HDAC9: variants seen among roughly 807,000 people sequenced by gnomAD.
HDAC9 encodes the protein MEF-2 interacting transcription repressor (MITR) protein.
A neutral mutation model predicts 139.4 loss-of-function variants in HDAC9; 41 were observed. The ratio of observed to expected loss-of-function variants is 0.29; its 90% CI spans 0.23 to 0.38. The LOEUF (loss-of-function observed/expected upper bound fraction) is 0.38, where lower values mean the gene tolerates loss of function less well. HDAC9 is among the 10% of genes least tolerant of loss of function. HDAC9 has a pLI of 1.00. For synonymous variants in HDAC9, 517 were observed against 476.2 expected (o/e 1.09, Z -1.12); for missense variants, 1,147 against 1,297.0 (o/e 0.88, Z 1.78).
At chr7:18,557,884 A>G (rs1819364215) in intron 2 of HDAC9, among the ~76,000 whole-genome samples, 1 of 151,860 alleles carries the variant, frequency 6.6e-6, no homozygotes, top group Non-Finnish European at 1.5e-5. Context: ...TTTTCTTTTT[A>G]CAAGTGAGCC....
At chr7:18,681,587 C>T (rs1001275504) in intron 12 of HDAC9, among the ~76,000 whole-genome samples, 4 of 152,032 alleles carry the variant, frequency 2.6e-5, no homozygotes, top group Non-Finnish European at 4.4e-5. Flanking sequence ...TTAACAGCAA[C>T]TTCCATGAGT....
At chr7:18,368,246 A>G (rs1231437818) in intron 1 of HDAC9, among the ~76,000 whole-genome samples, 1 of 152,058 alleles carries the variant, frequency 6.6e-6, no homozygotes, top group Non-Finnish European at 1.5e-5. Context: ...TCATAAAGAT[A>G]TCCTCCCATA....
At chr7:18,995,232 A>T (rs898996256) in intron 25 of HDAC9, among the ~76,000 whole-genome samples, 2 of 152,216 alleles carry the variant, frequency 1.3e-5, no homozygotes, top group African/African-American at 4.8e-5. Context: ...ACGCAAACTC[A>T]ATTCACCCGG....
At chr7:18,174,913 G>C (rs781103903) in intron 2 of HDAC9, among the ~76,000 whole-genome samples, 5 of 152,186 alleles carry the variant, frequency 3.3e-5, no homozygotes, top group Middle Eastern at 3.2e-3. Context: ...ATGGCGGCCA[G>C]GGACCCACTT....
chr7:18,404,018 G>A (rs1016759534), intron 1 of HDAC9, among the ~76,000 whole-genome samples: 9 of 152,132 alleles, frequency 5.9e-5, no homozygotes, highest in Admixed American at 2.6e-4. Context: ...TAGAGCTCTC[G>A]AGGAGGCTAG....
chr7:18,854,336 T>A (rs898586336), intron 21 of HDAC9, among the ~76,000 whole-genome samples: 1 of 152,184 alleles, frequency 6.6e-6, no homozygotes, highest in Non-Finnish European at 1.5e-5. Flanking sequence ...TTTACTGTCA[T>A]ATATTGGCAG....
chr7:18,822,857 A>G (rs964746027), intron 17 of HDAC9, among the ~76,000 whole-genome samples: 2 of 152,248 alleles, frequency 1.3e-5, no homozygotes, highest in Non-Finnish European at 2.9e-5. Context: ...TTATCTGCCT[A>G]ACACAAGTTG....
intron 1 of HDAC9, among the ~76,000 whole-genome samples, chr7:18,402,328 G>A (rs898528086): frequency 3.9e-5 from 6 of 152,084 alleles, no homozygotes; most frequent in Non-Finnish European, 7.4e-5. Context: ...CTCAACAAAG[G>A]CCTCCTAAAG....
intron 2 of HDAC9, among the ~76,000 whole-genome samples, chr7:18,167,083 A>C (rs1788060046): frequency 6.6e-6 from 1 of 152,252 alleles, no homozygotes; most frequent in African/African-American, 2.4e-5. Flanking sequence ...AAATTATTCC[A>C]GGATAATAAA....
intron 1 of HDAC9, among the ~76,000 whole-genome samples, chr7:18,302,371 A>G (rs1474397942): frequency 6.6e-6 from 1 of 152,240 alleles, no homozygotes. Context: ...ATGCAATGTT[A>G]TCCTTTGGTG....
At chr7:18,590,231 T>C in intron 3 of HDAC9, 105 bp from the exon 4 acceptor site, 1 of 1,194,482 alleles carries the variant, frequency 8.4e-7, no homozygotes, top group East Asian at 2.5e-5. Flanking sequence ...AAATATGAAC[T>C]AAATACAAAC....
At chr7:18,189,799 A>G (rs1429173973) in intron 2 of HDAC9, among the ~76,000 whole-genome samples, 2 of 152,230 alleles carry the variant, frequency 1.3e-5, no homozygotes, top group Non-Finnish European at 2.9e-5. Flanking sequence ...CCAAAGACAC[A>G]TTAATTAAAT....
chr7:18,228,155 A>C lies in HDAC9; in HGVS notation c.25+65806A>C, dbSNP rs148315413. ...GCAAAAGAATTGTAAACAGTGTTTA[A>C]CACACCTTTAGTCACAGACACTTTC... On this transcript the variant is annotated intron_variant, in intron 2 of 12. Transcript: ENST00000417496. 6.6e-5 allele frequency among the ~76,000 whole-genome samples: 10 copies of C among 152,328 alleles called. No individual in the cohort carries two copies. The East Asian group carries it at 1.9e-3, about 29-fold the overall frequency.
At chr7:18,591,911 C>G (rs1358472512) in intron 5 of HDAC9, among the ~76,000 whole-genome samples, 1 of 152,132 alleles carries the variant, frequency 6.6e-6, no homozygotes. Flanking sequence ...CATTTATCAA[C>G]TTGAGGGCAA....
chr7:18,563,039 G>A (rs2128713985), intron 2 of HDAC9, among the ~76,000 whole-genome samples: 1 of 151,984 alleles, frequency 6.6e-6, no homozygotes, highest in Non-Finnish European at 1.5e-5. Flanking sequence ...TATTTTGGTT[G>A]TATTTACTGA....
chr7:18,718,502 G>C (rs1784883655), intron 12 of HDAC9, among the ~76,000 whole-genome samples: 1 of 152,258 alleles, frequency 6.6e-6, no homozygotes, highest in Non-Finnish European at 1.5e-5. Context: ...CAAAGTGTTA[G>C]GATTACAGGT....
intron 2 of HDAC9, among the ~76,000 whole-genome samples, chr7:18,179,543 T>C (rs1313645278): frequency 6.6e-6 from 1 of 152,216 alleles, no homozygotes; most frequent in East Asian, 1.9e-4. Flanking sequence ...CTACCTCTCT[T>C]ATATTTCTTT....
chr7:18,451,374 T>C (rs1792812563), intron 1 of HDAC9, among the ~76,000 whole-genome samples: 1 of 124,812 alleles, frequency 8.0e-6, no homozygotes, highest in African/African-American at 2.9e-5. Flanking sequence ...TGTGCGTGTG[T>C]GTGTGTGTGT....
At chr7:18,156,306 T>C (rs1221717121) in intron 1 of HDAC9, among the ~76,000 whole-genome samples, 1 of 152,166 alleles carries the variant, frequency 6.6e-6, no homozygotes, top group East Asian at 1.9e-4. Context: ...CCTATCTTGG[T>C]CAACATATTT....
Sources: allele counts gnomAD v4.1 joint callset (sites outside exome capture counted in the v4.1 genomes callset), GRCh38; gene constraint gnomAD v4.1.1; transcripts MANE v1.5; gene names NCBI Gene and HGNC (gene_info 2026-07-23, HGNC 2026-07-21).